TMEM43: variants seen among roughly 807,000 people sequenced by gnomAD.
TMEM43 encodes the protein arrhythmogenic right ventricular dysplasia 5.
TMEM43 carries 45 observed loss-of-function variants against 49.6 expected under a neutral mutation model. The ratio of observed to expected loss-of-function variants is 0.91; its 90% CI spans 0.71 to 1.16. The LOEUF is 1.16. Among genes scored for constraint, TMEM43 ranks in the 50% most tolerant of loss-of-function variants. TMEM43 has a pLI of 0.00. For missense variants in TMEM43, 532 were observed against 516.6 expected, an observed-to-expected ratio of 1.03 and a Z score of -0.29; for synonymous variants, 199 against 207.8, an observed-to-expected ratio of 0.96 and a Z score of 0.36.
At chr3:14,133,022 G>A in intron 6 of TMEM43, 87 bp downstream of exon 6, 1 of 1,159,294 alleles carries the variant, frequency 8.6e-7, no homozygotes, top group Non-Finnish European at 1.3e-6. Flanking sequence ...TAACAGGATT[G>A]AGTTAATCCT....
chr3:14,142,017 C>T lies in TMEM43; in HGVS notation c.*222C>T. ...CTTGCCAGTAAGCAGCTTTGGTGGG[C>T]AGCAGCAGCTCATGAATGGCAAGCT... On this transcript the variant is annotated 3_prime_UTR_variant, in exon 12 of 12. Coordinates refer to ENST00000306077, the MANE Select transcript of TMEM43 (RefSeq NM_024334.3). 1.7e-6 allele frequency: 1 copy of T among 584,564 alleles called. No homozygotes were observed. Among genetic ancestry groups the T allele is most frequent in the Non-Finnish European group, 3.0e-6 (1 of 328,020 alleles). The allele number at this position is 584,564 out of a possible 1,614,324, so 36.2% of individuals were successfully genotyped here.
chr3:14,132,827 T>G (rs1307821767), intron 5 of TMEM43, 39 bp from the exon 6 acceptor site: 1 of 1,603,924 alleles, frequency 6.2e-7, no homozygotes, highest in Admixed American at 1.7e-5. Flanking sequence ...CGCGTGCCAC[T>G]CCTACCCGGG....
In TMEM43 at chr3:14,129,396, G is replaced by C. The variant is rs1224275690; in HGVS notation, c.13-16G>C. On this transcript the variant is annotated splice_polypyrimidine_tract_variant and intron_variant, in intron 1 of 11. Transcript: ENST00000306077. ...AAAAACTAGTTTTCATTCTGTTACT[G>C]TTTCTTTTTCTTCAGTATTCCAGTA... The C allele has an allele frequency of 1.3e-6, 2 of 1,578,722 alleles. No individual in the cohort carries two copies. Among genetic ancestry groups the C allele is most frequent in the South Asian group, 2.3e-5 (2 of 87,666 alleles).
Position 14,129,440 on chromosome 3 carries a change from A to T in TMEM43, c.41A>T (p.His14Leu). Residue 14 changes from histidine (H) to leucine (L), a missense_variant, in exon 2 of 12, where the codon CAT becomes CTT. Coordinates refer to ENST00000306077, the MANE Select transcript of TMEM43 (RefSeq NM_024334.3). ...TCCAGTACCAGTACCCGGAGAGAACATGTCAAAGTTAAAACCAGCTCCCAG... is the reference window on the plus strand; with the variant it reads ...TCCAGTACCAGTACCCGGAGAGAACTTGTCAAAGTTAAAACCAGCTCCCAG... ...NYSSTSTRREHVKVKTSSQPG... is the reference protein window; with the variant it reads ...NYSSTSTRRELVKVKTSSQPG... The T allele has an allele frequency of 6.2e-7, 1 of 1,613,718 alleles. No individual in the cohort carries two copies. Among genetic ancestry groups the T allele is most frequent in the Non-Finnish European group, 8.5e-7 (1 of 1,179,942 alleles).
At chr3:14,139,126 C>G in intron 10 of TMEM43, 54 bp from the exon 11 acceptor site, 2 of 1,336,332 alleles carry the variant, frequency 1.5e-6, no homozygotes, top group Admixed American at 3.3e-5. Flanking sequence ...GCCCTGCCGA[C>G]TGGGTACGCC....
rs1431651766 is a variant in TMEM43, at chr3:14,129,555, C to T, written c.156C>T (p.Thr52=). ...AFLLSFYLIF[T]NEGRALKTAT... is the part of the protein sequence containing the mutation. Reference sequence around the variant, plus strand: ...TGCTCTCCTTCTACCTAATTTTCACCAATGAGGTAAAATGTCTGGGGTCTT... The same window carrying T: ...TGCTCTCCTTCTACCTAATTTTCACTAATGAGGTAAAATGTCTGGGGTCTT... The change falls in exon 2 of 12, where the codon ACC becomes ACT. Residue 52 remains threonine, a synonymous_variant. Transcript: ENST00000306077. 1 of 1,614,034 alleles carries T rather than the reference C, an allele frequency of 6.2e-7. No individual in the cohort carries two copies. Among genetic ancestry groups the T allele is most frequent in the Non-Finnish European group, 8.5e-7 (1 of 1,180,000 alleles).
intron 1 of TMEM43, chr3:14,129,136 G>A (rs909822942): frequency 2.5e-6 from 1 of 398,580 alleles, no homozygotes; most frequent in Admixed American, 3.6e-5. Flanking sequence ...GTTACCTCTG[G>A]TTGGTGGAGA....
In TMEM43 at chr3:14,131,569, T is replaced by G; in HGVS notation, c.298-11T>G. On this transcript the variant is annotated splice_polypyrimidine_tract_variant and intron_variant, in intron 3 of 11. Transcript: ENST00000306077. ...CCTTTATTTTTTTGGTTTCTTTGAT[T>G]CTGTTTGAAGCTTTTGTCTGATCCA... is the stretch of plus-strand genomic sequence containing the variant. 1.9e-6 allele frequency: 3 copies of G among 1,613,488 alleles called. No homozygotes were observed. Among genetic ancestry groups the G allele is most frequent in the Non-Finnish European group, 2.5e-6 (3 of 1,179,394 alleles).
At position 14,130,802 on chromosome 3, in the gene TMEM43, C is replaced by G; in HGVS notation, c.163-20C>G. 1 of 1,613,340 alleles carries G rather than the reference C, an allele frequency of 6.2e-7. No homozygotes were observed. Among genetic ancestry groups the G allele is most frequent in the Non-Finnish European group, 8.5e-7 (1 of 1,179,654 alleles). On this transcript the variant is annotated intron_variant, in intron 2 of 11. Coordinates refer to ENST00000306077, the MANE Select transcript of TMEM43 (RefSeq NM_024334.3). ...AGCCACCCCTGAGCTGTTGAAATCC[C>G]CACTCCCCTTTGCTCCCAGGGCCGC...
At chr3:14,134,697 G>C in intron 7 of TMEM43, 73 bp from the exon 8 acceptor site, 1 of 1,606,778 alleles carries the variant, frequency 6.2e-7, no homozygotes, top group Non-Finnish European at 8.5e-7. Context: ...GTGGAAGGGG[G>C]TCAGGCCAGG....
At position 14,132,539 on chromosome 3, in the gene TMEM43, C is replaced by A; in HGVS notation, c.393-7C>A. 1 of 1,614,122 alleles carries A rather than the reference C, an allele frequency of 6.2e-7. No homozygotes were observed. The highest frequency in any genetic ancestry group is 8.5e-7 in the Non-Finnish European group (1 of 1,179,990). ...TAACCCCCGTGGCTGCTTTGCTTTC[C>A]CTGCAGGGAGTACACCGAGGATGGG... On this transcript the variant is annotated splice_region_variant and splice_polypyrimidine_tract_variant and intron_variant, in intron 4 of 11. Coordinates refer to ENST00000306077, the MANE Select transcript of TMEM43 (RefSeq NM_024334.3).
intron 1 of TMEM43, among the ~76,000 whole-genome samples, chr3:14,127,576 C>T (rs980492426): frequency 5.9e-5 from 9 of 152,144 alleles, no homozygotes; most frequent in East Asian, 1.9e-4. Flanking sequence ...GATGACGTAA[C>T]CCTGAGCCCG....
In TMEM43 at chr3:14,134,132, C is replaced by T. The variant is rs865877663; in HGVS notation, c.583+323C>T. Among the ~76,000 whole-genome samples, 42 of 152,336 alleles carry T rather than the reference C, an allele frequency of 2.8e-4. 1 individual carries two copies. The highest frequency in any genetic ancestry group is 1.5e-3 in the Admixed American group (23 of 15,314). ...GAGACAGTCCTTCCTCAAGCAGACT[C>T]CGGCTAGTAGTAGACATGTGGTGGC... On this transcript the variant is annotated intron_variant, in intron 7 of 11. Transcript: ENST00000306077.
chr3:14,129,917 A>G (rs977938438), intron 2 of TMEM43, among the ~76,000 whole-genome samples: 2 of 152,082 alleles, frequency 1.3e-5, no homozygotes, highest in Non-Finnish European at 2.9e-5. Flanking sequence ...GTGATGGCAA[A>G]TGTGGCCCCA....
At chr3:14,134,949 C>T in intron 8 of TMEM43, 58 bp downstream of exon 8, 1 of 1,611,304 alleles carries the variant, frequency 6.2e-7, no homozygotes, top group South Asian at 1.1e-5. Context: ...GGATCAGGTT[C>T]CTGCGCCAGG....
Position 14,142,070 on chromosome 3 carries a change from C to G in TMEM43, c.*275C>G. The G allele has an allele frequency of 2.0e-6, 1 of 510,692 alleles. No homozygotes were observed. The highest frequency in any genetic ancestry group is 3.6e-6 in the Non-Finnish European group (1 of 280,924). 31.6% of individuals were successfully genotyped at this position (510,692 alleles called of 1,614,324 possible). ...CAGCTTCTCCTGCTGTTTCCTTCCT[C>G]TCTTGGACTGAGTGGGTACGGCCAG... On this transcript the variant is annotated 3_prime_UTR_variant, in exon 12 of 12. Transcript: ENST00000306077.
Position 14,130,934 on chromosome 3 carries a change from T to C in TMEM43, c.275T>C (p.Ile92Thr), listed in dbSNP as rs555913548. ...AATGAAGGAAGGCTGGTGCACATCATTGGCGCCTTACGGACATCCAAGGTA... is the reference window on the plus strand; with the variant it reads ...AATGAAGGAAGGCTGGTGCACATCACTGGCGCCTTACGGACATCCAAGGTA... The part of the protein sequence containing the change: ...PENEGRLVHI[I>T]GALRTSKLLS... Residue 92 changes from isoleucine to threonine, a missense_variant, in exon 3 of 12, where the codon ATT becomes ACT. Physicochemically the swap from Ile to Thr is moderately conservative, Grantham distance 89. Transcript: ENST00000306077. 6.8e-6 allele frequency: 11 copies of C among 1,612,340 alleles called. No individual in the cohort carries two copies. Among genetic ancestry groups the C allele is most frequent in the African/African-American group, 2.7e-5 (2 of 74,870 alleles).
Position 14,135,872 on chromosome 3 carries a change from C to G in TMEM43, c.846C>G (p.Thr282=). The G allele has an allele frequency of 6.2e-7, 1 of 1,614,208 alleles. No individual in the cohort carries two copies. The highest frequency in any genetic ancestry group is 8.5e-7 in the Non-Finnish European group (1 of 1,180,046). Residue 282 remains threonine, a synonymous_variant, in exon 10 of 12, where the codon ACC becomes ACG. Coordinates refer to ENST00000306077, the MANE Select transcript of TMEM43 (RefSeq NM_024334.3). ...LVPFSTKSGD[T]LLLLHHGDFS... ...CATTCTCCACCAAGTCTGGGGATAC[C>G]TTACTGCTCCTGCACCACGGGGACT...
intron 7 of TMEM43, among the ~76,000 whole-genome samples, chr3:14,134,016 G>C (rs1020707400): frequency 3.3e-5 from 5 of 152,164 alleles, no homozygotes; most frequent in Non-Finnish European, 5.9e-5. Flanking sequence ...CATCCTACCA[G>C]GTTCCTCTGA....
Sources: allele counts gnomAD v4.1 joint callset (sites outside exome capture counted in the v4.1 genomes callset), GRCh38; gene constraint gnomAD v4.1.1; transcripts MANE v1.5; gene names NCBI Gene and HGNC (gene_info 2026-07-23, HGNC 2026-07-21).